ATF1: variants seen among roughly 807,000 people sequenced by gnomAD.
The protein encoded by ATF1 is activating transcription factor 1.
Under a neutral mutation model 34.7 loss-of-function variants are expected in ATF1, and 16 were observed. That is an observed-to-expected ratio of 0.46 (90% CI 0.31 to 0.70). The LOEUF is 0.70. Among genes scored for constraint, ATF1 ranks in the 30% least tolerant of loss-of-function variants. ATF1 has a pLI of 0.05. For synonymous variants in ATF1, 105 were observed against 113.1 expected, an observed-to-expected ratio of 0.93 and a Z score of 0.46; for missense variants, 255 against 321.6, an observed-to-expected ratio of 0.79 and a Z score of 1.58.
chr12:50,807,789 C>A (rs1485783478), intron 3 of ATF1, among the ~76,000 whole-genome samples: 1 of 148,036 alleles, frequency 6.8e-6, no homozygotes, highest in African/African-American at 2.5e-5. Flanking sequence ...CCTCTACCCC[C>A]AATTGTGTGT....
chr12:50,791,626 G>A (rs540733900), intron 2 of ATF1, among the ~76,000 whole-genome samples: 1 of 152,254 alleles, frequency 6.6e-6, no homozygotes, highest in South Asian at 2.1e-4. Flanking sequence ...AGGGGAGCAG[G>A]AAGGAAGCTT....
chr12:50,785,797 G>A (rs745607062), intron 2 of ATF1, among the ~76,000 whole-genome samples: 14 of 152,166 alleles, frequency 9.2e-5, no homozygotes, highest in Non-Finnish European at 7.4e-5. Flanking sequence ...TCCCTGCCAC[G>A]TGATCCTCTC....
At chr12:50,811,258 G>A (rs1941730627) in intron 4 of ATF1, among the ~76,000 whole-genome samples, 1 of 152,032 alleles carries the variant, frequency 6.6e-6, no homozygotes, top group African/African-American at 2.4e-5. Flanking sequence ...TTTCTTTATA[G>A]CATTTACATA....
chr12:50,817,540 G>C (rs1053184599), intron 6 of ATF1, among the ~76,000 whole-genome samples: 5 of 152,108 alleles, frequency 3.3e-5, no homozygotes, highest in African/African-American at 1.2e-4. Context: ...TTATAAAGTG[G>C]TAATACTGTC....
intron 1 of ATF1, among the ~76,000 whole-genome samples, chr12:50,778,485 A>C (rs1940981777): frequency 6.8e-6 from 1 of 147,626 alleles, no homozygotes; most frequent in Non-Finnish European, 1.5e-5. Flanking sequence ...GGCCTCCCAA[A>C]GTGCTGAGAT....
chr12:50,764,077 C>T (rs1339262754), upstream of ATF1: 23 of 151,660 alleles, frequency 1.5e-4, no homozygotes, highest in Admixed American at 1.4e-3. Context: ...CCCCCGCCCC[C>T]AGGCTTGTGT....
intron 2 of ATF1, among the ~76,000 whole-genome samples, chr12:50,792,912 T>G (rs1228289407): frequency 1.3e-5 from 2 of 152,192 alleles, no homozygotes; most frequent in Admixed American, 1.3e-4. Flanking sequence ...TTTGTATTTA[T>G]CTACCTTCAT....
chr12:50,782,076 AATAC>A (rs1267583157), intron 2 of ATF1, among the ~76,000 whole-genome samples: 6 of 152,166 alleles, frequency 3.9e-5, no homozygotes, highest in Non-Finnish European at 7.3e-5. Context: ...TGTATCAAAG[AATAC>A]AATGAAATGA....
At chr12:50,794,101 C>T (rs1193180039) in intron 2 of ATF1, among the ~76,000 whole-genome samples, 2 of 151,858 alleles carry the variant, frequency 1.3e-5, no homozygotes, top group Non-Finnish European at 2.9e-5. Flanking sequence ...CAGGCGCCTA[C>T]CACCAGGCCC....
At chr12:50,796,633 G>A (rs1941413531) in intron 3 of ATF1, among the ~76,000 whole-genome samples, 1 of 151,872 alleles carries the variant, frequency 6.6e-6, no homozygotes, top group Middle Eastern at 3.4e-3. Context: ...CCTGGGAGGC[G>A]GAGGTTGCAG....
chr12:50,774,224 G>A (rs185453588), intron 1 of ATF1, among the ~76,000 whole-genome samples: 20 of 152,048 alleles, frequency 1.3e-4, no homozygotes, highest in African/African-American at 4.1e-4. Flanking sequence ...TAGTAGAGAC[G>A]GGGTTTCTCC....
chr12:50,773,823 C>T (rs1206285378), intron 1 of ATF1, among the ~76,000 whole-genome samples: 1 of 152,082 alleles, frequency 6.6e-6, no homozygotes, highest in South Asian at 2.1e-4. Context: ...CTCCTGACCT[C>T]AAGTGATCTG....
chr12:50,782,128 A>G (rs1941076398), intron 2 of ATF1, among the ~76,000 whole-genome samples: 1 of 152,216 alleles, frequency 6.6e-6, no homozygotes. Flanking sequence ...TTCTAATTGC[A>G]TATCTATGTG....
intron 3 of ATF1, among the ~76,000 whole-genome samples, chr12:50,802,819 C>A (rs894516343): frequency 8.5e-6 from 1 of 117,504 alleles, no homozygotes; most frequent in Non-Finnish European, 1.6e-5. Context: ...TTGCAGTGAA[C>A]TGAGAATGCA....
intron 3 of ATF1, among the ~76,000 whole-genome samples, chr12:50,804,903 C>A (rs1439693638): frequency 6.6e-6 from 1 of 151,674 alleles, no homozygotes; most frequent in Non-Finnish European, 1.5e-5. Flanking sequence ...CCTCCGCCTT[C>A]CAGGTTCAAG....
intron 4 of ATF1, among the ~76,000 whole-genome samples, chr12:50,809,905 C>G (rs829115): frequency 0.25 from 38,632 of 152,158 alleles, 5,487 homozygotes; most frequent in Non-Finnish European, 0.32. Flanking sequence ...ACAATCTTGG[C>G]TCACTGCAAC....
chr12:50,816,561 A>T (rs556771452), intron 6 of ATF1, among the ~76,000 whole-genome samples: 4 of 152,116 alleles, frequency 2.6e-5, no homozygotes, highest in Admixed American at 6.6e-5. Flanking sequence ...AGATTTTCTC[A>T]TGTGCTCCAT....
Position 50,819,740 on chromosome 12 carries a change from A to G in ATF1, c.777A>G (p.Leu259=), listed in dbSNP as rs1941911409. 6.3e-7 allele frequency: 1 copy of G among 1,587,880 alleles called. No individual in the cohort carries two copies. The highest frequency in any genetic ancestry group is 1.4e-5 in the African/African-American group (1 of 73,886). The change falls in exon 7 of 7, where the codon TTA becomes TTG. Residue 259 remains leucine, a synonymous_variant. Coordinates refer to ENST00000262053, the MANE Select transcript of ATF1 (RefSeq NM_005171.5). ...AAAATAAAACTCTAATAGAAGAGTT[A>G]AAAACTTTGAAGGATCTTTATTCCA... ...ENQNKTLIEE[L]KTLKDLYSNK...
chr12:50,811,986 T>A (rs770620690), intron 4 of ATF1, among the ~76,000 whole-genome samples: 14 of 152,196 alleles, frequency 9.2e-5, no homozygotes, highest in Non-Finnish European at 1.8e-4. Flanking sequence ...TGTCCCAGAA[T>A]AGTAGCCACT....
Sources: gnomAD v4.1 joint callset for allele counts (sites outside exome capture counted in the v4.1 genomes callset) on GRCh38, gnomAD v4.1.1 for gene constraint, MANE v1.5 for transcripts, NCBI Gene and HGNC (gene_info 2026-07-23, HGNC 2026-07-21) for gene names.